The following ATP2B4 variants were observed in gnomAD, a reference collection of about 807,000 sequenced individuals.
The protein encoded by ATP2B4 is ATPase plasma membrane Ca2+ transporting 4.
A neutral mutation model predicts 110.3 loss-of-function variants in ATP2B4; 39 were observed. The ratio of observed to expected loss-of-function variants is 0.35; its 90% CI spans 0.27 to 0.46. The LOEUF (loss-of-function observed/expected upper bound fraction) is 0.46, where lower values mean the gene tolerates loss of function less well. ATP2B4 is among the 20% of genes least tolerant of loss of function. The pLI is 1.00. For missense variants in ATP2B4, 1,135 were observed against 1,530.9 expected, an observed-to-expected ratio of 0.74 and a Z score of 4.32; for synonymous variants, 538 against 571.7, an observed-to-expected ratio of 0.94 and a Z score of 0.84.
At chr1:203,680,103 G>A (rs1027044163) in intron 1 of ATP2B4, among the ~76,000 whole-genome samples, 9 of 149,550 alleles carry the variant, frequency 6.0e-5, no homozygotes, top group Non-Finnish European at 1.2e-4. Flanking sequence ...GACTCAGACT[G>A]TCTTTTCTAA....
At chr1:203,694,240 G>C (rs1443376935) in intron 2 of ATP2B4, among the ~76,000 whole-genome samples, 1 of 152,200 alleles carries the variant, frequency 6.6e-6, no homozygotes, top group African/African-American at 2.4e-5. Flanking sequence ...GGGCAATGCT[G>C]TAGGCCTGAG....
At chr1:203,634,865 T>C (rs1395184929) in intron 1 of ATP2B4, among the ~76,000 whole-genome samples, 2 of 152,084 alleles carry the variant, frequency 1.3e-5, no homozygotes, top group African/African-American at 4.8e-5. Context: ...GGTTTCACCG[T>C]GTTGTCCAGA....
chr1:203,669,277 T>A (rs913503219), intron 1 of ATP2B4, among the ~76,000 whole-genome samples: 3 of 152,168 alleles, frequency 2.0e-5, no homozygotes, highest in Non-Finnish European at 2.9e-5. Flanking sequence ...GTCCTGCAGA[T>A]CAAGGGAGAT....
chr1:203,694,307 T>C (rs6656569), intron 2 of ATP2B4, among the ~76,000 whole-genome samples: 2,497 of 152,284 alleles, frequency 0.016, 64 homozygotes, highest in African/African-American at 0.05. Context: ...TAAATGAATG[T>C]GTCCTATTAT....
chr1:203,702,069 T>C lies in ATP2B4; in HGVS notation c.927T>C (p.Asn309=), dbSNP rs1375900575. ...KKGKKQGVPE[N]RNKAKTQDGV... is the part of the protein sequence containing the mutation. ...GTAAAAAACAAGGAGTCCCTGAAAA[T>C]CGCAACAAAGGTAACCTCTCCAACT... Residue 309 remains asparagine, a synonymous_variant, in exon 7 of 21, where the codon AAT becomes AAC. Coordinates refer to ENST00000357681, the MANE Select transcript of ATP2B4 (RefSeq NM_001684.5). 6.2e-7 allele frequency: 1 copy of C among 1,613,892 alleles called. No individual in the cohort carries two copies. Among genetic ancestry groups the C allele is most frequent in the African/African-American group, 1.3e-5 (1 of 74,880 alleles).
At chr1:203,705,656 A>G (rs372145258) in intron 8 of ATP2B4, among the ~76,000 whole-genome samples, 18 of 152,278 alleles carry the variant, frequency 1.2e-4, no homozygotes, top group African/African-American at 4.3e-4. Context: ...GCCTCAAGTG[A>G]TCTGCCGGCC....
intron 14 of ATP2B4, 120 bp from the exon 15 acceptor site, chr1:203,714,051 T>C: frequency 1.0e-6 from 1 of 962,352 alleles, no homozygotes; most frequent in Non-Finnish European, 1.6e-6. Context: ...GTGGTTCCTG[T>C]AGAACTTCTA....
chr1:203,673,298 T>A (rs955717497), intron 1 of ATP2B4, among the ~76,000 whole-genome samples: 1 of 152,152 alleles, frequency 6.6e-6, no homozygotes, highest in African/African-American at 2.4e-5. Context: ...CTCCAGAGGA[T>A]CCTAGTGCTC....
chr1:203,734,328 T>C (rs1415160748), intron 20 of ATP2B4, among the ~76,000 whole-genome samples: 3 of 151,312 alleles, frequency 2.0e-5, no homozygotes, highest in Non-Finnish European at 4.4e-5. Context: ...GTTGTAGCTA[T>C]AGGTGAAGAA....
intron 19 of ATP2B4, among the ~76,000 whole-genome samples, chr1:203,726,807 C>G (rs1666534292): frequency 1.3e-5 from 2 of 152,128 alleles, no homozygotes; most frequent in South Asian, 4.1e-4. Context: ...CTCATGTGAC[C>G]CCTCTTCTAT....
intron 2 of ATP2B4, among the ~76,000 whole-genome samples, chr1:203,697,490 T>C (rs919498698): frequency 2.6e-5 from 4 of 152,230 alleles, no homozygotes; most frequent in Non-Finnish European, 4.4e-5. Flanking sequence ...TGGGGCATAC[T>C]CAATCAGTAG....
chr1:203,657,171 G>T, intron 1 of ATP2B4: 1 of 808,996 alleles, frequency 1.2e-6, no homozygotes, highest in Non-Finnish European at 2.2e-6. Flanking sequence ...GTATTGGTGG[G>T]CAAAAGGTGG....
chr1:203,634,140 C>T (rs1465985816), intron 1 of ATP2B4, among the ~76,000 whole-genome samples: 1 of 152,142 alleles, frequency 6.6e-6, no homozygotes, highest in African/African-American at 2.4e-5. Flanking sequence ...TATATGCATA[C>T]ATTACGGAAC....
chr1:203,637,339 G>T (rs1663477351), intron 1 of ATP2B4, among the ~76,000 whole-genome samples: 1 of 150,522 alleles, frequency 6.6e-6, no homozygotes, highest in Non-Finnish European at 1.5e-5. Context: ...GCTGAGGCAG[G>T]AGAATGGCGT....
At chr1:203,719,660 A>C (rs1666263325) in intron 15 of ATP2B4, among the ~76,000 whole-genome samples, 1 of 151,952 alleles carries the variant, frequency 6.6e-6, no homozygotes, top group Non-Finnish European at 1.5e-5. Flanking sequence ...GGTAGCAGTG[A>C]GCTGAGATCA....
rs566182710 is a variant in ATP2B4 at position 203,664,799 on chromosome 1, A to G, written c.-464-17943A>G. ...CAAGGGAATGCCAGGTTGACAGTTA[A>G]CTGCACCTGCTAGTCCTTAAGGTAC... is the stretch of plus-strand genomic sequence containing the variant. On this transcript the variant is annotated intron_variant, in intron 1 of 20. Transcript: ENST00000357681. Among the ~76,000 whole-genome samples, 11 of 152,232 alleles carry G rather than the reference A, an allele frequency of 7.2e-5. No homozygotes were observed. In the South Asian group the frequency reaches 2.3e-3, roughly 32 times the overall value.
In ATP2B4 at chr1:203,721,430, G is replaced by A. The variant is rs1666319381; in HGVS notation, c.2812+20G>A. 1 of 1,610,690 alleles carries A rather than the reference G, an allele frequency of 6.2e-7. No individual in the cohort carries two copies. Among genetic ancestry groups the A allele is most frequent in the Non-Finnish European group, 8.5e-7 (1 of 1,177,300 alleles). ...TTGCGGGTGAGCCACTTTGGGGGTG[G>A]GTAGCAGCTGGGGTCCTGGTTGGAG... On this transcript the variant is annotated intron_variant, in intron 17 of 20. Transcript: ENST00000357681.
At position 203,718,861 on chromosome 1, in the gene ATP2B4, G is replaced by A. The variant is rs147757538; in HGVS notation, c.2407-1688G>A. On this transcript the variant is annotated intron_variant, in intron 15 of 20. Transcript: ENST00000357681. ...TTTAAGTCATTTGTAACATTTGTCT[G>A]TGTGTGTGCAGTTGTGCTACCAAGT... is the stretch of plus-strand genomic sequence containing the variant. 7.7e-3 allele frequency among the ~76,000 whole-genome samples: 1,171 copies of A among 152,156 alleles called. 11 individuals are homozygous for A. Among genetic ancestry groups the A allele is most frequent in the Non-Finnish European group, 0.012 (833 of 68,008 alleles).
chr1:203,633,236 A>T (rs923957796), intron 1 of ATP2B4, among the ~76,000 whole-genome samples: 1 of 152,218 alleles, frequency 6.6e-6, no homozygotes, highest in East Asian at 1.9e-4. Flanking sequence ...AATATTAAAA[A>T]TTCCTTGAGT....
Sources: allele counts gnomAD v4.1 joint callset (sites outside exome capture counted in the v4.1 genomes callset), GRCh38; gene constraint gnomAD v4.1.1; transcripts MANE v1.5; gene names NCBI Gene and HGNC (gene_info 2026-07-23, HGNC 2026-07-21).